Variants in BMPR1B observed in about 807,000 individuals in gnomAD.
BMPR1B encodes bone morphogenetic protein receptor type-1B.
Under a neutral mutation model 59.1 loss-of-function variants are expected in BMPR1B, and 12 were observed. The ratio of observed to expected loss-of-function variants is 0.20; its 90% CI spans 0.13 to 0.33. BMPR1B has a LOEUF of 0.33. Ranked by LOEUF, BMPR1B falls within the 10% of genes least tolerant of loss-of-function variation. BMPR1B has a pLI of 1.00. For synonymous variants in BMPR1B, 237 were observed against 207.3 expected, an observed-to-expected ratio of 1.14 and a Z score of -1.23; for missense variants, 550 against 610.9, an observed-to-expected ratio of 0.90 and a Z score of 1.05.
chr4:95,115,939 G>A (rs1731997043), intron 6 of BMPR1B, 152 bp downstream of exon 6: 2 of 721,406 alleles, frequency 2.8e-6, no homozygotes, highest in Non-Finnish European at 2.4e-6. Flanking sequence ...ATCATTCGAA[G>A]ACATGTGCAA....
At chr4:94,954,562 A>G (rs898914494) in intron 2 of BMPR1B, among the ~76,000 whole-genome samples, 1 of 152,252 alleles carries the variant, frequency 6.6e-6, no homozygotes, top group African/African-American at 2.4e-5. Context: ...AGATGAGCCC[A>G]TAAAGAGACT....
chr4:95,045,216 ATATAT>A (rs1011017537), intron 3 of BMPR1B, among the ~76,000 whole-genome samples: 43 of 152,202 alleles, frequency 2.8e-4, no homozygotes, highest in African/African-American at 1.0e-3. Flanking sequence ...AGAATAACAA[ATATAT>A]TATTATGTTT....
chr4:94,810,540 T>C (rs957954760), intron 1 of BMPR1B, among the ~76,000 whole-genome samples: 8 of 152,134 alleles, frequency 5.3e-5, no homozygotes, highest in African/African-American at 1.9e-4. Flanking sequence ...TACAGCAAGA[T>C]TGGGATGTGA....
At chr4:95,018,077 G>A (rs973375697) in intron 3 of BMPR1B, among the ~76,000 whole-genome samples, 1 of 152,046 alleles carries the variant, frequency 6.6e-6, no homozygotes, top group African/African-American at 2.4e-5. Context: ...ATTAAGTAAA[G>A]CAAATTTTAA....
At chr4:94,767,309 T>C (rs1722006636) in intron 1 of BMPR1B, among the ~76,000 whole-genome samples, 1 of 152,232 alleles carries the variant, frequency 6.6e-6, no homozygotes, top group Non-Finnish European at 1.5e-5. Flanking sequence ...GATGTACTAA[T>C]ATGTAGGAAC....
chr4:95,088,385 A>G (rs1017488654), intron 3 of BMPR1B, among the ~76,000 whole-genome samples: 4 of 151,092 alleles, frequency 2.6e-5, no homozygotes, highest in African/African-American at 9.9e-5. Context: ...TGGTGCCTAT[A>G]GGACAAGGCT....
intron 1 of BMPR1B, among the ~76,000 whole-genome samples, chr4:94,851,790 T>C (rs1250950478): frequency 6.6e-6 from 1 of 152,154 alleles, no homozygotes; most frequent in African/African-American, 2.4e-5. Context: ...TGGCAGATAG[T>C]AAACACTATG....
chr4:94,991,830 G>A (rs1244066283), intron 2 of BMPR1B, among the ~76,000 whole-genome samples: 2 of 152,208 alleles, frequency 1.3e-5, no homozygotes, highest in Non-Finnish European at 2.9e-5. Flanking sequence ...AGGTTTTTAA[G>A]TGACTTCTGT....
intron 2 of BMPR1B, among the ~76,000 whole-genome samples, chr4:94,885,879 A>C: frequency 6.6e-6 from 1 of 152,324 alleles, no homozygotes; most frequent in Middle Eastern, 3.4e-3. Context: ...CTGGAAATGT[A>C]GCATTCACAG....
chr4:94,885,025 T>A (rs1344766198), intron 2 of BMPR1B, among the ~76,000 whole-genome samples: 1 of 152,166 alleles, frequency 6.6e-6, no homozygotes, highest in Admixed American at 6.5e-5. Context: ...CAGAGCCAAG[T>A]CATTTTACTT....
At chr4:95,010,082 C>T (rs1227719961) in intron 3 of BMPR1B, among the ~76,000 whole-genome samples, 2 of 152,140 alleles carry the variant, frequency 1.3e-5, no homozygotes, top group Admixed American at 1.3e-4. Flanking sequence ...AACAGAACAT[C>T]TCATGTTGTC....
At chr4:94,972,285 A>G (rs1168434160) in intron 2 of BMPR1B, among the ~76,000 whole-genome samples, 1 of 148,178 alleles carries the variant, frequency 6.7e-6, no homozygotes, top group African/African-American at 2.6e-5. Context: ...ACATTAGCTA[A>G]CTTGTTTATT....
chr4:94,988,907 C>T (rs545480982), intron 2 of BMPR1B, among the ~76,000 whole-genome samples: 2 of 152,056 alleles, frequency 1.3e-5, no homozygotes, highest in African/African-American at 2.4e-5. Context: ...TTACTTCTAA[C>T]GAGGCACATC....
At chr4:95,043,452 T>C (rs1175281140) in intron 3 of BMPR1B, among the ~76,000 whole-genome samples, 1 of 152,228 alleles carries the variant, frequency 6.6e-6, no homozygotes, top group African/African-American at 2.4e-5. Flanking sequence ...CTTCCTACTC[T>C]TTTAATGTTC....
chr4:95,151,190 T>C (rs1045704572), intron 11 of BMPR1B, among the ~76,000 whole-genome samples: 1 of 152,216 alleles, frequency 6.6e-6, no homozygotes, highest in Non-Finnish European at 1.5e-5. Context: ...ACAGGAAATT[T>C]TGAAAACTTG....
chr4:94,891,983 C>T lies in BMPR1B; in HGVS notation c.-113+16083C>T, dbSNP rs144456290. 3.0e-3 allele frequency among the ~76,000 whole-genome samples: 457 copies of T among 152,124 alleles called. 3 individuals carry two copies. Among genetic ancestry groups the T allele is most frequent in the Middle Eastern group, 6.8e-3 (2 of 292 alleles). On this transcript the variant is annotated intron_variant, in intron 2 of 12. Coordinates refer to ENST00000515059, the MANE Select transcript of BMPR1B (RefSeq NM_001203.3). ...AATTTACTTTAATATTAAATTGAGT[C>T]CCTCTGACATATAAAGCACTGTCTT... is the stretch of plus-strand genomic sequence containing the variant.
chr4:94,956,417 A>G (rs887194762), intron 2 of BMPR1B, among the ~76,000 whole-genome samples: 1 of 152,136 alleles, frequency 6.6e-6, no homozygotes, highest in African/African-American at 2.4e-5. Flanking sequence ...CAATAACACA[A>G]AAAGATAAGA....
chr4:95,080,465 ACCT>A (rs1729051201), intron 3 of BMPR1B, among the ~76,000 whole-genome samples: 2 of 152,074 alleles, frequency 1.3e-5, no homozygotes, highest in African/African-American at 4.8e-5. Flanking sequence ...CAAACTCCTG[ACCT>A]TAAGTGATCC....
intron 2 of BMPR1B, among the ~76,000 whole-genome samples, chr4:94,982,720 C>T (rs973272843): frequency 1.3e-5 from 2 of 152,036 alleles, no homozygotes; most frequent in African/African-American, 2.4e-5. Context: ...CAGCCGGGTG[C>T]GGTGGCTCAC....
Sources: gnomAD v4.1 joint callset for allele counts (sites outside exome capture counted in the v4.1 genomes callset) on GRCh38, gnomAD v4.1.1 for gene constraint, MANE v1.5 for transcripts, NCBI Gene and HGNC (gene_info 2026-07-23, HGNC 2026-07-21) for gene names.